Variants in TAF4B observed in about 807,000 individuals in gnomAD.
TAF4B encodes the protein transcription initiation factor TFIID subunit 4B.
TAF4B carries 38 observed loss-of-function variants against 86.4 expected under a neutral mutation model. The ratio of observed to expected loss-of-function variants is 0.44; its 90% confidence interval spans 0.34 to 0.58. The LOEUF (loss-of-function observed/expected upper bound fraction) is 0.58, where lower values mean the gene tolerates loss of function less well. Among genes scored for constraint, TAF4B ranks in the 20% least tolerant of loss-of-function variants. TAF4B has a pLI of 0.02. For synonymous variants in TAF4B, 388 were observed against 391.2 expected, an observed-to-expected ratio of 0.99 and a Z score of 0.10; for missense variants, 988 against 1,027.6, an observed-to-expected ratio of 0.96 and a Z score of 0.53.
chr18:26,380,640 T>C (rs1002813101), intron 14 of TAF4B, among the ~76,000 whole-genome samples: 9 of 152,334 alleles, frequency 5.9e-5, no homozygotes, highest in African/African-American at 1.9e-4. Flanking sequence ...TTTTTAAAAG[T>C]TTTATTTTAG....
intron 13 of TAF4B, 106 bp downstream of exon 13, chr18:26,335,337 A>T: frequency 1.0e-6 from 1 of 983,472 alleles, no homozygotes; most frequent in Non-Finnish European, 1.6e-6. Context: ...TACCATTTGC[A>T]GAAGCCTTGG....
chr18:26,235,316 G>A (rs931677550), intron 1 of TAF4B, among the ~76,000 whole-genome samples: 8 of 152,062 alleles, frequency 5.3e-5, no homozygotes, highest in African/African-American at 1.2e-4. Context: ...AGGAACCCCC[G>A]CAACTGTTTT....
intron 14 of TAF4B, among the ~76,000 whole-genome samples, chr18:26,386,555 T>C (rs1438344964): frequency 7.0e-6 from 1 of 142,392 alleles, no homozygotes; most frequent in Non-Finnish European, 1.6e-5. Context: ...TCCAGAAAAC[T>C]TCAGTCTCTT....
chr18:26,373,570 G>A (rs1437832939), intron 14 of TAF4B, among the ~76,000 whole-genome samples: 1 of 152,148 alleles, frequency 6.6e-6, no homozygotes, highest in African/African-American at 2.4e-5. Flanking sequence ...TCCTCTTAAA[G>A]TGAACTAGTT....
chr18:26,368,007 C>A (rs1035048231), intron 14 of TAF4B, among the ~76,000 whole-genome samples: 1 of 152,074 alleles, frequency 6.6e-6, no homozygotes, highest in East Asian at 1.9e-4. Flanking sequence ...GCATCTCTAC[C>A]GTTCCTTTGT....
chr18:26,254,747 C>G (rs898526617), intron 1 of TAF4B, among the ~76,000 whole-genome samples: 14 of 152,114 alleles, frequency 9.2e-5, no homozygotes, highest in African/African-American at 3.4e-4. Flanking sequence ...CTAAGAGGAG[C>G]TTTGATTCTG....
At chr18:26,382,653 C>A (rs967206368) in intron 14 of TAF4B, among the ~76,000 whole-genome samples, 1 of 151,952 alleles carries the variant, frequency 6.6e-6, no homozygotes, top group African/African-American at 2.4e-5. Flanking sequence ...ATTAGAAGGT[C>A]CAAAGCTCAT....
At chr18:26,315,144 C>CTG in intron 9 of TAF4B, 85 bp from the exon 10 acceptor site, 4 of 244,772 alleles carry the variant, frequency 1.6e-5, no homozygotes, top group Non-Finnish European at 2.6e-5. Flanking sequence ...CTCTCTCTCT[C>CTG]TGTCTCTCTC....
chr18:26,364,386 T>G (rs1466805379), intron 14 of TAF4B, among the ~76,000 whole-genome samples: 1 of 151,216 alleles, frequency 6.6e-6, no homozygotes, highest in Admixed American at 6.6e-5. Context: ...TGAAATTAGT[T>G]TTTAAATTAA....
chr18:26,256,409 C>T (rs1465830079), intron 1 of TAF4B: 51 of 1,053,788 alleles, frequency 4.8e-5, no homozygotes, highest in African/African-American at 6.3e-5. Flanking sequence ...CGCGCAATAA[C>T]GTCCCCGAGG....
At chr18:26,330,478 A>G (rs539929778) in intron 12 of TAF4B, among the ~76,000 whole-genome samples, 1 of 152,294 alleles carries the variant, frequency 6.6e-6, no homozygotes, top group South Asian at 2.1e-4. Context: ...TTCTCTAAGA[A>G]GCCTGCCTTC....
At chr18:26,266,413 A>T (rs2056240641) in intron 2 of TAF4B, among the ~76,000 whole-genome samples, 1 of 152,102 alleles carries the variant, frequency 6.6e-6, no homozygotes, top group African/African-American at 2.4e-5. Flanking sequence ...CCCAGCCTAT[A>T]GTATTCATTT....
chr18:26,229,903 T>G (rs1414693974), intron 1 of TAF4B, among the ~76,000 whole-genome samples: 5 of 152,092 alleles, frequency 3.3e-5, no homozygotes, highest in African/African-American at 1.2e-4. Flanking sequence ...ATGAATACTT[T>G]AAGTATTTGA....
intron 14 of TAF4B, chr18:26,366,265 A>G (rs910567524): frequency 1.3e-5 from 2 of 152,202 alleles, no homozygotes; most frequent in Admixed American, 6.5e-5. Flanking sequence ...AATCTCTAAC[A>G]TGTTTTCCAA....
intron 9 of TAF4B, among the ~76,000 whole-genome samples, chr18:26,311,989 A>C (rs2056858233): frequency 6.6e-6 from 1 of 152,184 alleles, no homozygotes; most frequent in Non-Finnish European, 1.5e-5. Context: ...TAAATTAGTG[A>C]TATTTTTGTA....
chr18:26,243,337 T>C (rs2055870480), intron 1 of TAF4B, among the ~76,000 whole-genome samples: 1 of 152,232 alleles, frequency 6.6e-6, no homozygotes, highest in South Asian at 2.1e-4. Context: ...ATTCATTTGA[T>C]CTTCAATCAC....
intron 5 of TAF4B, among the ~76,000 whole-genome samples, chr18:26,275,435 C>G (rs191334781): frequency 6.6e-6 from 1 of 152,118 alleles, no homozygotes; most frequent in African/African-American, 2.4e-5. Context: ...GGATTACAGG[C>G]GTGAACCACC....
intron 13 of TAF4B, among the ~76,000 whole-genome samples, chr18:26,336,348 G>A (rs1025715256): frequency 3.9e-5 from 6 of 152,154 alleles, no homozygotes; most frequent in Admixed American, 2.0e-4. Flanking sequence ...GCCAGCAGCA[G>A]CAGGTTATTT....
chr18:26,337,787 A>G (rs997291063), intron 13 of TAF4B, among the ~76,000 whole-genome samples: 1 of 152,124 alleles, frequency 6.6e-6, no homozygotes, highest in Non-Finnish European at 1.5e-5. Context: ...AGCATTTAGG[A>G]TGCACTAATC....
Sources: gnomAD v4.1 joint callset for allele counts (sites outside exome capture counted in the v4.1 genomes callset) on GRCh38, gnomAD v4.1.1 for gene constraint, MANE v1.5 for transcripts, NCBI Gene and HGNC (gene_info 2026-07-23, HGNC 2026-07-21) for gene names.